The following SGCZ variants were observed in gnomAD, a reference collection of about 807,000 sequenced individuals.
SGCZ encodes the protein zeta-sarcoglycan.
In SGCZ, 40 loss-of-function variants were observed where a neutral mutation model predicts 41.3. That is an observed-to-expected ratio of 0.97 (90% CI 0.75 to 1.26). SGCZ has a LOEUF of 1.26. Ranked by LOEUF, SGCZ falls within the 50% of genes most tolerant of loss-of-function variation. The pLI, the probability that SGCZ is intolerant of heterozygous loss-of-function variation, is 0.00. For missense variants in SGCZ, 552 were observed against 369.8 expected (o/e 1.49, Z -4.04); for synonymous variants, 206 against 137.5 (o/e 1.50, Z -3.49).
intron 1 of SGCZ, among the ~76,000 whole-genome samples, chr8:14,816,503 T>G (rs915915763): frequency 2.6e-5 from 4 of 152,222 alleles, no homozygotes; most frequent in Non-Finnish European, 5.9e-5. Context: ...AATTCAACTT[T>G]CTGTTCATCA....
At chr8:14,967,583 G>A (rs184427173) in intron 1 of SGCZ, among the ~76,000 whole-genome samples, 70 of 152,188 alleles carry the variant, frequency 4.6e-4, no homozygotes, top group African/African-American at 1.1e-3. Flanking sequence ...AACTCGCCAC[G>A]TCTGAAGCTG....
intron 5 of SGCZ, among the ~76,000 whole-genome samples, chr8:14,131,826 C>G (rs975716440): frequency 1.3e-5 from 2 of 152,112 alleles, no homozygotes; most frequent in African/African-American, 4.8e-5. Context: ...CAAATATTTA[C>G]TACTGTGTGC....
chr8:14,778,965 T>G (rs564035276), intron 1 of SGCZ, among the ~76,000 whole-genome samples: 1 of 152,298 alleles, frequency 6.6e-6, no homozygotes, highest in East Asian at 1.9e-4. Flanking sequence ...ATCACATTCC[T>G]AGACATATGT....
intron 1 of SGCZ, among the ~76,000 whole-genome samples, chr8:15,196,825 G>C (rs1800747401): frequency 1.3e-5 from 2 of 152,110 alleles, no homozygotes; most frequent in Admixed American, 1.3e-4. Flanking sequence ...GTGGTGGCTG[G>C]GCTCACTCAT....
intron 1 of SGCZ, among the ~76,000 whole-genome samples, chr8:14,645,113 A>G (rs543745055): frequency 6.6e-6 from 1 of 151,644 alleles, no homozygotes; most frequent in Non-Finnish European, 1.5e-5. Flanking sequence ...TTTGAAAACC[A>G]TTGATCTATC....
At chr8:14,394,132 C>T (rs1265403803) in intron 2 of SGCZ, among the ~76,000 whole-genome samples, 9 of 137,724 alleles carry the variant, frequency 6.5e-5, no homozygotes, top group Non-Finnish European at 1.2e-4. Flanking sequence ...CACTGCCCTA[C>T]CGCCCCCCAC....
At chr8:14,286,320 T>C (rs2116931925) in intron 3 of SGCZ, among the ~76,000 whole-genome samples, 1 of 152,218 alleles carries the variant, frequency 6.6e-6, no homozygotes, top group South Asian at 2.1e-4. Flanking sequence ...TCATTAAGCC[T>C]TGTCCAACTA....
chr8:15,192,486 C>A lies in SGCZ; in HGVS notation c.39+45099G>T, dbSNP rs958500912. Among the ~76,000 whole-genome samples, 8 of 152,090 alleles carry A rather than the reference C, an allele frequency of 5.3e-5. 1 individual carries two copies. Among genetic ancestry groups the A allele is most frequent in the African/African-American group, 1.9e-4 (8 of 41,382 alleles). On this transcript the variant is annotated intron_variant, in intron 1 of 7. Transcript: ENST00000382080. ...TCAATCCATTTAAATATTTTCTAGT[C>A]ATTGTAACTGAGCATCAGTTGAAAA...
intron 3 of SGCZ, among the ~76,000 whole-genome samples, chr8:14,278,316 C>G (rs1289951115): frequency 1.3e-5 from 2 of 152,122 alleles, no homozygotes; most frequent in African/African-American, 2.4e-5. Flanking sequence ...GTACCTTTTT[C>G]TCCTATATGT....
chr8:14,834,832 T>C lies in SGCZ; in HGVS notation c.40-279906A>G, dbSNP rs547365841. Reference sequence around the variant, plus strand: ...AAGGGACTCGGATACTGATTTAATCTCTGCAGGAGCTTGAGCAAGTTACTT... The same window carrying C: ...AAGGGACTCGGATACTGATTTAATCCCTGCAGGAGCTTGAGCAAGTTACTT... On this transcript the variant is annotated intron_variant, in intron 1 of 7. Transcript: ENST00000382080. Among the ~76,000 whole-genome samples, 52 of 152,330 alleles carry C rather than the reference T, an allele frequency of 3.4e-4. 2 individuals are homozygous for C. The South Asian group carries it at 7.7e-3, about 22-fold the overall frequency.
At chr8:14,094,146 G>A (rs1033950935) in intron 7 of SGCZ, among the ~76,000 whole-genome samples, 1 of 151,834 alleles carries the variant, frequency 6.6e-6, no homozygotes, top group South Asian at 2.1e-4. Context: ...TTTTTAAAAA[G>A]ATTTTTTTAA....
At chr8:14,505,315 T>C (rs1160637795) in intron 2 of SGCZ, among the ~76,000 whole-genome samples, 4 of 152,134 alleles carry the variant, frequency 2.6e-5, no homozygotes, top group African/African-American at 9.7e-5. Flanking sequence ...GATGCAAGTG[T>C]AAGGACATAA....
intron 1 of SGCZ, among the ~76,000 whole-genome samples, chr8:14,655,438 T>C (rs1440679480): frequency 6.6e-6 from 1 of 152,176 alleles, no homozygotes; most frequent in Non-Finnish European, 1.5e-5. Flanking sequence ...GAGGGACAAA[T>C]AACCAATTGT....
chr8:14,563,882 T>G (rs1193134199), intron 1 of SGCZ, among the ~76,000 whole-genome samples: 1 of 152,142 alleles, frequency 6.6e-6, no homozygotes, highest in Non-Finnish European at 1.5e-5. Context: ...TTGATATAAT[T>G]TTTTAAAAAT....
At chr8:14,917,247 G>A (rs1178962304) in intron 1 of SGCZ, among the ~76,000 whole-genome samples, 1 of 151,930 alleles carries the variant, frequency 6.6e-6, no homozygotes, top group African/African-American at 2.4e-5. Flanking sequence ...AGTGTTCTAT[G>A]GACAATAATA....
At chr8:14,515,390 G>A (rs1385144684) in intron 2 of SGCZ, among the ~76,000 whole-genome samples, 1 of 152,038 alleles carries the variant, frequency 6.6e-6, no homozygotes, top group Non-Finnish European at 1.5e-5. Flanking sequence ...AATAGCAGGA[G>A]GGATATCAAG....
In SGCZ at chr8:14,088,360, T is replaced by G. The variant is rs1345856565; in HGVS notation, c.*2083A>C. Among the ~76,000 whole-genome samples the G allele has an allele frequency of 6.6e-6, 1 of 151,894 alleles. No homozygotes were observed. The highest frequency in any genetic ancestry group is 1.5e-5 in the Non-Finnish European group (1 of 67,858). On this transcript the variant is annotated 3_prime_UTR_variant, in exon 8 of 8. Transcript: ENST00000382080. ...CCTAATCAAAAGAATTATTCCCATTTGACTTAGAAAGTTTCTAATTGTTTT... is the reference window on the plus strand; with the variant it reads ...CCTAATCAAAAGAATTATTCCCATTGGACTTAGAAAGTTTCTAATTGTTTT...
At chr8:14,146,931 A>G (rs1188984825) in intron 5 of SGCZ, among the ~76,000 whole-genome samples, 1 of 149,388 alleles carries the variant, frequency 6.7e-6, no homozygotes, top group Admixed American at 6.7e-5. Flanking sequence ...TCCAAGACAT[A>G]GTCAGTACAC....
At chr8:14,423,488 C>T (rs1234885754) in intron 2 of SGCZ, among the ~76,000 whole-genome samples, 1 of 152,056 alleles carries the variant, frequency 6.6e-6, no homozygotes, top group Non-Finnish European at 1.5e-5. Context: ...GCAATGTCGA[C>T]TCACCGCAAC....
Sources: gnomAD v4.1 joint callset for allele counts (sites outside exome capture counted in the v4.1 genomes callset) on GRCh38, gnomAD v4.1.1 for gene constraint, MANE v1.5 for transcripts, NCBI Gene and HGNC (gene_info 2026-07-23, HGNC 2026-07-21) for gene names.